The following RIMS2 variants were observed in gnomAD, a reference collection of about 807,000 sequenced individuals.
RIMS2 encodes the protein regulating synaptic membrane exocytosis 2.
A neutral mutation model predicts 174.4 loss-of-function variants in RIMS2; 59 were observed. The ratio of observed to expected loss-of-function variants is 0.34; its 90% CI spans 0.27 to 0.42. The LOEUF (loss-of-function observed/expected upper bound fraction) is 0.42, where lower values mean the gene tolerates loss of function less well. Among genes scored for constraint, RIMS2 ranks in the 10% least tolerant of loss-of-function variants. The pLI is 1.00. For missense variants in RIMS2, 1,620 were observed against 1,666.3 expected, an observed-to-expected ratio of 0.97 and a Z score of 0.48; for synonymous variants, 606 against 572.5, an observed-to-expected ratio of 1.06 and a Z score of -0.84.
At chr8:103,530,040 T>G (rs1173446674) in intron 1 of RIMS2, among the ~76,000 whole-genome samples, 2 of 152,122 alleles carry the variant, frequency 1.3e-5, no homozygotes, top group African/African-American at 4.8e-5. Context: ...GATAAATGTG[T>G]GGATAGATGG....
chr8:103,728,906 T>C (rs1267579849), intron 2 of RIMS2, among the ~76,000 whole-genome samples: 1 of 152,070 alleles, frequency 6.6e-6, no homozygotes, highest in East Asian at 1.9e-4. Flanking sequence ...GAGCCATCCT[T>C]GTATCCCTGG....
At chr8:103,747,394 A>G (rs2097835543) in intron 2 of RIMS2, among the ~76,000 whole-genome samples, 1 of 151,652 alleles carries the variant, frequency 6.6e-6, no homozygotes, top group Non-Finnish European at 1.5e-5. Flanking sequence ...TTTGGCATTT[A>G]TTTGGAGCAA....
intron 3 of RIMS2, among the ~76,000 whole-genome samples, chr8:103,767,719 A>G (rs1450793205): frequency 6.6e-6 from 1 of 152,212 alleles, no homozygotes; most frequent in Non-Finnish European, 1.5e-5. Context: ...TCACCACTCC[A>G]ATACATTGCT....
intron 3 of RIMS2, among the ~76,000 whole-genome samples, chr8:103,845,818 G>A (rs2098964911): frequency 6.6e-6 from 1 of 152,040 alleles, no homozygotes; most frequent in Admixed American, 6.6e-5. Context: ...ATCAAAGGCA[G>A]CTATTTATCC....
chr8:103,569,044 C>T (rs1022940299), intron 1 of RIMS2: 2 of 393,258 alleles, frequency 5.1e-6, no homozygotes, highest in South Asian at 3.9e-5. Context: ...ATTTTGATGT[C>T]CAATTTATCT....
At chr8:104,158,744 TG>T (rs2098741623) in intron 19 of RIMS2, among the ~76,000 whole-genome samples, 1 of 152,194 alleles carries the variant, frequency 6.6e-6, no homozygotes, top group South Asian at 2.1e-4. Context: ...CTGATGGGGT[TG>T]TTTTTTTTCT....
intron 17 of RIMS2, chr8:103,998,055 A>G (rs942835773): frequency 1.6e-5 from 10 of 629,228 alleles, no homozygotes; most frequent in Non-Finnish European, 2.7e-5. Context: ...AAGCTTTCCA[A>G]TAACAGTTTC....
intron 3 of RIMS2, among the ~76,000 whole-genome samples, chr8:103,798,121 T>C (rs2098566099): frequency 1.3e-5 from 2 of 152,256 alleles, no homozygotes; most frequent in South Asian, 4.1e-4. Context: ...TATATAACAG[T>C]TTATATGGAG....
rs185614343 is a variant in RIMS2, at chr8:104,250,563, T to C, written c.3692-461T>C. Among the ~76,000 whole-genome samples, 168 of 152,312 alleles carry C rather than the reference T, an allele frequency of 1.1e-3. No homozygotes were observed. In the Middle Eastern group the frequency reaches 0.031, roughly 28 times the overall value. Reference sequence around the variant, plus strand: ...TCTAATTAGTTGCCTCTTAGCTAATTTGATCAATATCACATGAAATTCCAC... The same window carrying C: ...TCTAATTAGTTGCCTCTTAGCTAATCTGATCAATATCACATGAAATTCCAC... On this transcript the variant is annotated intron_variant, in intron 22 of 23. Coordinates refer to ENST00000504942, the Ensembl canonical transcript of RIMS2.
intron 4 of RIMS2, among the ~76,000 whole-genome samples, chr8:103,896,383 G>T (rs2099277870): frequency 6.6e-6 from 1 of 151,594 alleles, no homozygotes. Context: ...TCTGGTAGAA[G>T]AAAGTTATGG....
At chr8:103,823,833 C>T (rs1396019032) in intron 3 of RIMS2, among the ~76,000 whole-genome samples, 3 of 151,936 alleles carry the variant, frequency 2.0e-5, no homozygotes, top group Non-Finnish European at 4.4e-5. Flanking sequence ...ATGATTCCAG[C>T]ACAGTTGATT....
intron 19 of RIMS2, among the ~76,000 whole-genome samples, chr8:104,122,856 C>G (rs917899040): frequency 6.6e-6 from 1 of 152,092 alleles, no homozygotes; most frequent in Non-Finnish European, 1.5e-5. Flanking sequence ...TTCTATTACA[C>G]TATGTACTTT....
intron 1 of RIMS2, among the ~76,000 whole-genome samples, chr8:103,576,701 A>G (rs1563847737): frequency 6.6e-6 from 1 of 152,250 alleles, no homozygotes; most frequent in South Asian, 2.1e-4. Context: ...TAACCAAAGT[A>G]GCGTGGTATT....
intron 1 of RIMS2, among the ~76,000 whole-genome samples, chr8:103,673,023 G>A (rs2096764259): frequency 6.6e-6 from 1 of 152,174 alleles, no homozygotes; most frequent in South Asian, 2.1e-4. Flanking sequence ...GGGGCTACAG[G>A]TCTCATGTAA....
chr8:103,916,050 C>A (rs1565289869), intron 7 of RIMS2, among the ~76,000 whole-genome samples: 3 of 151,806 alleles, frequency 2.0e-5, no homozygotes, highest in Admixed American at 2.0e-4. Context: ...ATACTGGAAA[C>A]CCTTTACAAA....
At chr8:104,211,877 G>T (rs1374259511) in intron 19 of RIMS2, among the ~76,000 whole-genome samples, 1 of 152,164 alleles carries the variant, frequency 6.6e-6, no homozygotes, top group Non-Finnish European at 1.5e-5. Flanking sequence ...AAGAGTGAAA[G>T]TATCTTGGAA....
At chr8:103,575,184 G>A (rs978009726) in intron 1 of RIMS2, among the ~76,000 whole-genome samples, 1 of 152,140 alleles carries the variant, frequency 6.6e-6, no homozygotes, top group Non-Finnish European at 1.5e-5. Context: ...CATTGAACAC[G>A]TGGAAAGTGC....
chr8:103,931,224 A>G lies in RIMS2; in HGVS notation c.2245-39A>G, dbSNP rs1158249734. Reference sequence around the variant, plus strand: ...AAAGTAAACATTGTGTTTGTGTAGTAAATGTTTGAATTGATAAATGAATAT... The same window carrying G: ...AAAGTAAACATTGTGTTTGTGTAGTGAATGTTTGAATTGATAAATGAATAT... On this transcript the variant is annotated intron_variant, in intron 11 of 23. Transcript: ENST00000504942. The G allele has an allele frequency of 1.4e-5, 20 of 1,476,892 alleles. No homozygotes were observed. The Admixed American group carries it at 3.8e-4, about 28-fold the overall frequency. 91.5% of individuals were successfully genotyped at this position (1,476,892 alleles called of 1,614,324 possible).
At chr8:103,804,483 A>ATAT (rs34075290) in intron 3 of RIMS2, among the ~76,000 whole-genome samples, 19,847 of 152,146 alleles carry the variant, frequency 0.13, 1,735 homozygotes, top group Non-Finnish European at 0.2. Context: ...AACATAACAT[A>ATAT]TATGGAACAC....
Sources: gnomAD v4.1 joint callset for allele counts (sites outside exome capture counted in the v4.1 genomes callset) on GRCh38, gnomAD v4.1.1 for gene constraint, MANE v1.5 for transcripts, NCBI Gene and HGNC (gene_info 2026-07-23, HGNC 2026-07-21) for gene names.